ARHGAP21: variants seen among roughly 807,000 people sequenced by gnomAD.
ARHGAP21 encodes rho GTPase-activating protein 21.
In ARHGAP21, 38 loss-of-function variants were observed where a neutral mutation model predicts 164.6. That is an observed-to-expected ratio of 0.23 (90% CI 0.18 to 0.30). The LOEUF is 0.30. Among genes scored for constraint, ARHGAP21 ranks in the 10% least tolerant of loss-of-function variants. ARHGAP21 has a pLI of 1.00. For missense variants in ARHGAP21, 1,822 were observed against 2,370.7 expected (o/e 0.77, Z 4.81); for synonymous variants, 766 against 857.9 (o/e 0.89, Z 1.87).
At chr10:24,625,087 G>GA (rs753616600) in intron 7 of ARHGAP21, among the ~76,000 whole-genome samples, 26 of 30,696 alleles carry the variant, frequency 8.5e-4, no homozygotes, top group Non-Finnish European at 1.4e-3. Flanking sequence ...AAGAAAATAA[G>GA]AAAGATGACC....
chr10:24,584,378 T>G lies in ARHGAP21; in HGVS notation c.*34A>C. 1 of 1,533,756 alleles carries G rather than the reference T, an allele frequency of 6.5e-7. No individual in the cohort carries two copies. The highest frequency in any genetic ancestry group is 8.7e-7 in the Non-Finnish European group (1 of 1,143,558). On this transcript the variant is annotated 3_prime_UTR_variant, in exon 26 of 26. Coordinates refer to ENST00000396432, the MANE Select transcript of ARHGAP21 (RefSeq NM_020824.4). ...GAGTTACTGGAACGTGTAACAGTAGTTTTTTTACTTGCTAGAGTGGACATA... is the reference window on the plus strand; with the variant it reads ...GAGTTACTGGAACGTGTAACAGTAGGTTTTTTACTTGCTAGAGTGGACATA...
Position 24,620,279 on chromosome 10 carries a change from C to A in ARHGAP21, c.1616G>T (p.Gly539Val), listed in dbSNP as rs370212311. The change falls in exon 9 of 26, where the codon GGT becomes GTT. Residue 539 changes from glycine (G) to valine (V), a missense_variant. This residue lies in a region of ARHGAP21 where 1,090 missense variants were observed against 1,378.9 expected (regional missense o/e 0.79). Transcript: ENST00000396432. ...SGFTEQDDRR[G>V]ICERPRQQEI... ...TTGCTGCCTAGGTCTTTCACAAATACCTCGTCTATCATCCTGTTCAGTAAA... is the reference window on the plus strand; with the variant it reads ...TTGCTGCCTAGGTCTTTCACAAATAACTCGTCTATCATCCTGTTCAGTAAA... The A allele has an allele frequency of 2.5e-6, 4 of 1,613,836 alleles. No individual in the cohort carries two copies. The African/African-American group carries it at 4.0e-5, about 16-fold the overall frequency.
intron 2 of ARHGAP21, among the ~76,000 whole-genome samples, chr10:24,711,675 C>G (rs998524313): frequency 6.6e-6 from 1 of 152,096 alleles, no homozygotes; most frequent in Non-Finnish European, 1.5e-5. Context: ...AACTAGGTGT[C>G]AAGGCATCCC....
rs56180973 is a variant in ARHGAP21 at position 24,600,132 on chromosome 10, C to CAAAAA, written c.3132+509_3132+513dup. ...TGGGCAACAGAGCAGGACTTCGTTT[C>CAAAAA]AAAAAAAAAAAAAAAAAAGCTGACT... On this transcript the variant is annotated intron_variant, in intron 14 of 25. Coordinates refer to ENST00000396432, the MANE Select transcript of ARHGAP21 (RefSeq NM_020824.4). Among the ~76,000 whole-genome samples the CAAAAA allele has an allele frequency of 4.7e-3, 449 of 94,820 alleles. 15 individuals are homozygous for CAAAAA. The highest frequency in any genetic ancestry group is 0.046 in the East Asian group (137 of 2,996). The allele number at this position is 94,820 out of a possible 152,430, so 62.2% of individuals were successfully genotyped here.
At chr10:24,663,309 C>G (rs1839885055) in intron 4 of ARHGAP21, among the ~76,000 whole-genome samples, 1 of 152,144 alleles carries the variant, frequency 6.6e-6, no homozygotes, top group East Asian at 1.9e-4. Context: ...AGCAGTAACT[C>G]AATTCAGATC....
At chr10:24,642,128 C>G (rs1837099861) in intron 4 of ARHGAP21, among the ~76,000 whole-genome samples, 1 of 152,104 alleles carries the variant, frequency 6.6e-6, no homozygotes, top group Non-Finnish European at 1.5e-5. Context: ...GAAACCCACC[C>G]ACTTTAAAAC....
chr10:24,633,915 CAG>C (rs1318977747), intron 5 of ARHGAP21, among the ~76,000 whole-genome samples: 2 of 84,338 alleles, frequency 2.4e-5, no homozygotes, highest in African/African-American at 4.5e-5. Flanking sequence ...TTTTTTGAGA[CAG>C]AGTCTCACTC....
chr10:24,614,309 AC>A (rs2077386086), intron 9 of ARHGAP21, among the ~76,000 whole-genome samples: 1 of 152,228 alleles, frequency 6.6e-6, no homozygotes, highest in Non-Finnish European at 1.5e-5. Flanking sequence ...CAAAAGGCCT[AC>A]AATTACGAAT....
chr10:24,586,023 C>T lies in ARHGAP21; in HGVS notation c.4266G>A (p.Lys1422=), dbSNP rs545239109. The T allele has an allele frequency of 2.2e-5, 35 of 1,614,160 alleles. No homozygotes were observed. The South Asian group carries it at 3.0e-4, about 14-fold the overall frequency. The change falls in exon 26 of 26, where the codon AAG becomes AAA. Residue 1422 remains lysine (K), a synonymous_variant. Transcript: ENST00000396432. ...TAGGCTGTGCTTTTTCTTTCGGCTT[C>T]TTCCTCTTGCGACTAGCAGCTGCAA... The part of the protein sequence containing the change: ...SIFAAASRKR[K]KPKEKAQPSS...
chr10:24,680,407 T>G (rs962885978), intron 2 of ARHGAP21, among the ~76,000 whole-genome samples: 32 of 152,208 alleles, frequency 2.1e-4, no homozygotes, highest in Admixed American at 1.4e-3. Context: ...CAAGTTTTCT[T>G]TTGTTGAAAA....
intron 2 of ARHGAP21, among the ~76,000 whole-genome samples, chr10:24,712,914 C>A (rs903896131): frequency 1.3e-5 from 2 of 150,116 alleles, no homozygotes; most frequent in Non-Finnish European, 3.0e-5. Flanking sequence ...TATACAAATT[C>A]TTTTAAATAT....
At chr10:24,597,424 T>G (rs1472976252) in intron 16 of ARHGAP21, 23 bp downstream of exon 16, 1 of 1,602,112 alleles carries the variant, frequency 6.2e-7, no homozygotes, top group African/African-American at 1.4e-5. Context: ...TATATTTATT[T>G]GTTAGAAAGC....
In ARHGAP21 at chr10:24,585,056, T is replaced by A. The variant is rs2076044770; in HGVS notation, c.5233A>T (p.Ser1745Cys). 1 of 1,613,766 alleles carries A rather than the reference T, an allele frequency of 6.2e-7. No individual in the cohort carries two copies. The highest frequency in any genetic ancestry group is 2.2e-5 in the East Asian group (1 of 44,882). Residue 1745 changes from serine (S) to cysteine (C), a missense_variant, in exon 26 of 26, where the codon AGT becomes TGT. This residue lies in a region of ARHGAP21 where 117 missense variants were observed against 193.2 expected (regional missense o/e 0.61). Transcript: ENST00000396432. ...TCGCCTCTGGTGGGTGTCAGTAAAC[T>A]CCCAGTTGACTTTCCTTTTTTCATA... Reference protein sequence around the residue: ...DVMKKGKSTGSLLTPTRGESE... With the variant: ...DVMKKGKSTGCLLTPTRGESE...
chr10:24,665,132 G>T (rs113974904), intron 4 of ARHGAP21, among the ~76,000 whole-genome samples: 3 of 152,000 alleles, frequency 2.0e-5, no homozygotes, highest in East Asian at 1.9e-4. Flanking sequence ...TGCCAGCTTC[G>T]TGAGTTTTCC....
At position 24,585,544 on chromosome 10, in the gene ARHGAP21, G is replaced by C. The variant is rs768354691; in HGVS notation, c.4745C>G (p.Thr1582Ser). The C allele has an allele frequency of 1.9e-6, 3 of 1,614,216 alleles. No individual in the cohort carries two copies. Among genetic ancestry groups the C allele is most frequent in the Non-Finnish European group, 8.5e-7 (1 of 1,180,050 alleles). ...TGTGGTGGAATAATCTGAGGTGATGGTGCTGACGTTGGCCAAAAACTCGCT... is the reference window on the plus strand; with the variant it reads ...TGTGGTGGAATAATCTGAGGTGATGCTGCTGACGTTGGCCAAAAACTCGCT... The part of the protein sequence containing the change: ...KHSEFLANVS[T>S]ITSDYSTTSS... The change falls in exon 26 of 26, where the codon ACC (threonine) becomes AGC (serine). Residue 1582 changes from threonine to serine, a missense_variant. Thr to Ser is a moderately conservative substitution (Grantham distance 58). Transcript: ENST00000396432.
At chr10:24,674,378 A>G (rs576676224) in intron 2 of ARHGAP21, among the ~76,000 whole-genome samples, 9 of 152,330 alleles carry the variant, frequency 5.9e-5, no homozygotes, top group Admixed American at 2.6e-4. Flanking sequence ...TACTAAAAAT[A>G]CAAAAATTAG....
chr10:24,715,454 C>A (rs1056313428), intron 2 of ARHGAP21, among the ~76,000 whole-genome samples: 4 of 152,140 alleles, frequency 2.6e-5, no homozygotes, highest in Admixed American at 1.3e-4. Context: ...CTTCTCTTAT[C>A]GACCAGTCTG....
chr10:24,654,340 CCT>C (rs199505604), intron 4 of ARHGAP21, among the ~76,000 whole-genome samples: 1,916 of 152,108 alleles, frequency 0.013, 6 homozygotes, highest in Admixed American at 0.024. Flanking sequence ...TCAAATTGTC[CCT>C]GTTTGCAGAT....
intron 4 of ARHGAP21, among the ~76,000 whole-genome samples, chr10:24,659,476 C>G (rs1281948440): frequency 6.6e-6 from 1 of 152,214 alleles, no homozygotes; most frequent in Middle Eastern, 3.4e-3. Context: ...CCACCACACC[C>G]GGCTAATTTT....
Sources: gnomAD v4.1 joint callset for allele counts (sites outside exome capture counted in the v4.1 genomes callset) on GRCh38, gnomAD v4.1.1 for gene constraint, gnomAD v4.1.1 regional missense constraint, MANE v1.5 for transcripts, NCBI Gene and HGNC (gene_info 2026-07-23, HGNC 2026-07-21) for gene names.